Variants in GYS1 observed in about 807,000 individuals in gnomAD.
GYS1 encodes glycogen synthase 1.
A neutral mutation model predicts 89.1 loss-of-function variants in GYS1; 60 were observed. That is an observed-to-expected ratio of 0.67 (90% CI 0.55 to 0.84). The LOEUF (loss-of-function observed/expected upper bound fraction) is 0.84. Among genes scored for constraint, GYS1 ranks in the 40% least tolerant of loss-of-function variants. The pLI is 0.00. For synonymous variants in GYS1, 366 were observed against 401.7 expected (o/e 0.91, Z 1.06); for missense variants, 888 against 1,003.1 (o/e 0.89, Z 1.55).
intron 12 of GYS1, among the ~76,000 whole-genome samples, chr19:48,973,191 A>ACTT (rs1176059285): frequency 6.6e-6 from 1 of 151,846 alleles, no homozygotes; most frequent in African/African-American, 2.4e-5. Context: ...ACCCTCACAT[A>ACTT]CTTCTCCCTC....
In GYS1 at chr19:48,974,693, T is replaced by A; in HGVS notation, c.1349A>T (p.Asp450Val). The A allele has an allele frequency of 6.2e-7, 1 of 1,613,912 alleles. No individual in the cohort carries two copies. The highest frequency in any genetic ancestry group is 8.5e-7 in the Non-Finnish European group (1 of 1,179,944). The change falls in exon 11 of 16, where the codon GAT (aspartate) becomes GTT (valine). Residue 450 changes from aspartate (D) to valine (V), a missense_variant. Coordinates refer to ENST00000323798, the MANE Select transcript of GYS1 (RefSeq NM_002103.5). The stretch of plus-strand genomic sequence containing the variant: ...GGTCAGGATGGGGTCTGAGGAGTCA[T>A]CCAGCATATTGTGGGTGCACACAGG... ...FPPVCTHNML[D>V]DSSDPILTTI...
chr19:48,974,735 T>A lies in GYS1; in HGVS notation c.1309-2A>T. On this transcript the variant is annotated splice_acceptor_variant, in intron 10 of 15. Transcript: ENST00000323798. LOFTEE classifies it high-confidence loss of function. Reference sequence around the variant, plus strand: ...GCACACAGGGGGGAAAGACTGCCGCTGCAGGAGCCACAAGAAGGGTAAGGG... The same window carrying A: ...GCACACAGGGGGGAAAGACTGCCGCAGCAGGAGCCACAAGAAGGGTAAGGG... 6.2e-7 allele frequency: 1 copy of A among 1,600,180 alleles called. No individual in the cohort carries two copies. Among genetic ancestry groups the A allele is most frequent in the Non-Finnish European group, 8.6e-7 (1 of 1,167,708 alleles).
In GYS1 at chr19:48,987,414, G is replaced by T. The variant is rs1472982856; in HGVS notation, c.301-29C>A. The T allele has an allele frequency of 3.3e-6, 5 of 1,527,726 alleles. No homozygotes were observed. The African/African-American group carries it at 6.8e-5, about 21-fold the overall frequency. The allele number at this position is 1,527,726 out of a possible 1,614,324, so 94.6% of individuals were successfully genotyped here. A position where few individuals can be genotyped will look rare whatever the true frequency, so the allele number is the denominator to read the frequency against. On this transcript the variant is annotated intron_variant, in intron 2 of 15. Transcript: ENST00000323798. ...GGATGGGGTTGGGGAGGCACCATAG[G>T]GAGGCTCTGGGCTTCAGCCTCATAT...
Position 48,987,248 on chromosome 19 carries a change from G to A in GYS1, c.438C>T (p.Arg146=), listed in dbSNP as rs1395632551. The change falls in exon 3 of 16, where the codon CGC becomes CGT. Residue 146 remains arginine, a synonymous_variant. Transcript: ENST00000323798. ...TCNIGVPWYD[R]EANDAVLFGF... ...CAAAGAGGACAGCGTCGTTGGCCTC[G>A]CGGTCGTACCACGGCACTCCGATGT... 5.0e-6 allele frequency: 8 copies of A among 1,613,430 alleles called. No individual in the cohort carries two copies. Among genetic ancestry groups the A allele is most frequent in the East Asian group, 4.5e-5 (2 of 44,894 alleles).
At position 48,989,678 on chromosome 19, in the gene GYS1, G is replaced by A. The variant is rs1235941615; in HGVS notation, c.300+1624C>T. ...GGGCTCAAGCTATCCTCTCACCTCG[G>A]CCTCCCAAAGTGCTGGGATTCCAGG... On this transcript the variant is annotated intron_variant, in intron 2 of 15. Transcript: ENST00000323798. 3.9e-5 allele frequency among the ~76,000 whole-genome samples: 6 copies of A among 152,070 alleles called. No individual in the cohort carries two copies. The East Asian group carries it at 1.2e-3, about 30-fold the overall frequency.
chr19:48,970,779 C>T (rs2038552088), intron 13 of GYS1, 70 bp from the exon 14 acceptor site: 4 of 1,509,120 alleles, frequency 2.7e-6, no homozygotes, highest in African/African-American at 1.4e-5. Flanking sequence ...GACTCTGTGG[C>T]ACCAGGACCC....
intron 5 of GYS1, 98 bp from the exon 6 acceptor site, chr19:48,982,935 A>AT (rs2038789467): frequency 3.7e-5 from 35 of 943,422 alleles, no homozygotes; most frequent in Middle Eastern, 4.3e-4. Context: ...GCCTTTTGCA[A>AT]TTTTTTTGTT....
rs1228876682 is a variant in GYS1, at chr19:48,981,330, T to C, written c.1169+200A>G. ...CGAGAGGCTGAGGCAGATGACTTGCTTGAACCCAGGAGGTGGAGGTTGCAG... is the reference window on the plus strand; with the variant it reads ...CGAGAGGCTGAGGCAGATGACTTGCCTGAACCCAGGAGGTGGAGGTTGCAG... On this transcript the variant is annotated intron_variant, in intron 8 of 15. Transcript: ENST00000323798. 1.4e-5 allele frequency: 8 copies of C among 579,282 alleles called. No individual in the cohort carries two copies. The highest frequency in any genetic ancestry group is 3.7e-5 in the African/African-American group (2 of 53,648). 35.9% of individuals were successfully genotyped at this position (579,282 alleles called of 1,614,324 possible).
rs1600149351 is a variant in GYS1, at chr19:48,987,289, G to A, written c.397C>T (p.Leu133Phe). The change falls in exon 3 of 16, where the codon CTC (leucine) becomes TTC (phenylalanine). Residue 133 changes from leucine (L) to phenylalanine (F), a missense_variant. Physicochemically the swap from Leu to Phe is conservative, Grantham distance 22 (BLOSUM62 0). Transcript: ENST00000323798. ...AWALERWKGE[L>F]WDTCNIGVPW... ...ACTCCGATGTTGCAGGTATCCCAGA[G>A]CTCTCCCTTCCAGCGCTCCAGGGCC... 1.2e-6 allele frequency: 2 copies of A among 1,612,702 alleles called. No individual in the cohort carries two copies. The highest frequency in any genetic ancestry group is 2.7e-5 in the African/African-American group (2 of 74,900).
chr19:48,991,485 T>C lies in GYS1; in HGVS notation c.119-2A>G. ...GCAGCACCGTGTAGATGCCACCCAC[T>C]GTGGGCCCAAGCGTGTGAGGGCAGG... On this transcript the variant is annotated splice_acceptor_variant, in intron 1 of 15. Transcript: ENST00000323798. LOFTEE classifies it high-confidence loss of function. This position sits in a 1 kb window ranked among gnomAD's most constrained non-coding sequence, Gnocchi z 4.7. 3 of 1,581,198 alleles carry C rather than the reference T, an allele frequency of 1.9e-6. No individual in the cohort carries two copies. The highest frequency in any genetic ancestry group is 2.6e-6 in the Non-Finnish European group (3 of 1,161,018).
chr19:48,972,126 G>GAAA (rs765971575), intron 12 of GYS1, among the ~76,000 whole-genome samples: 1 of 133,074 alleles, frequency 7.5e-6, no homozygotes, highest in Non-Finnish European at 1.6e-5. Flanking sequence ...GTCAAGAAGA[G>GAAA]AAAAAAAAAA....
intron 12 of GYS1, among the ~76,000 whole-genome samples, chr19:48,973,820 T>C (rs569159969): frequency 2.0e-5 from 3 of 152,248 alleles, no homozygotes; most frequent in Admixed American, 2.0e-4. Flanking sequence ...CCCAGCCTTA[T>C]TTAGCTTTAA....
intron 10 of GYS1, among the ~76,000 whole-genome samples, chr19:48,975,177 T>C (rs1862492): frequency 0.4 from 60,073 of 151,638 alleles, 11,912 homozygotes; most frequent in Middle Eastern, 0.54. Context: ...GTGATCCACC[T>C]GCCTTGGCCT....
rs141349871 is a variant in GYS1 at position 48,972,058 on chromosome 19, C to T, written c.1550-1035G>A. Among the ~76,000 whole-genome samples the T allele has an allele frequency of 6.5e-3, 966 of 149,460 alleles. 7 individuals are homozygous for T. Among genetic ancestry groups the T allele is most frequent in the African/African-American group, 0.023 (931 of 40,614 alleles). ...AAATAAAAAAAAAAAAGGCCGGGCA[C>T]GGTGGCTCATGTCTGTAATCCCAGC... On this transcript the variant is annotated intron_variant, in intron 12 of 15. Coordinates refer to ENST00000323798, the MANE Select transcript of GYS1 (RefSeq NM_002103.5).
rs765735041 is a variant in GYS1, at chr19:48,969,629, G to A, written c.1891-18C>T. 6.4e-7 allele frequency: 1 copy of A among 1,553,420 alleles called. No homozygotes were observed. Among genetic ancestry groups the A allele is most frequent in the Non-Finnish European group, 8.7e-7 (1 of 1,154,976 alleles). On this transcript the variant is annotated intron_variant, in intron 15 of 15. Coordinates refer to ENST00000323798, the MANE Select transcript of GYS1 (RefSeq NM_002103.5). ...CCCTGGGCCTGCATACGGCGATGTG[G>A]GTGCAAACCAGGGTGAGCTGAGGAC...
In GYS1 at chr19:48,985,708, C is replaced by T. The variant is rs2038832141; in HGVS notation, c.679-103G>A. 4.6e-6 allele frequency: 7 copies of T among 1,520,708 alleles called. No individual in the cohort carries two copies. In the East Asian group the frequency reaches 1.1e-4, roughly 25 times the overall value. The allele number at this position is 1,520,708 out of a possible 1,614,324, so 94.2% of individuals were successfully genotyped here. The stretch of plus-strand genomic sequence containing the variant: ...AGAAATTGGTGCTGGGGGCTGGATT[C>T]CTGGGTCTGAGGTAGGAGGGGTCTG... On this transcript the variant is annotated intron_variant, in intron 4 of 15. Transcript: ENST00000323798.
chr19:48,991,426 C>T lies in GYS1; in HGVS notation c.176G>A (p.Gly59Asp), dbSNP rs977801658. Residue 59 changes from glycine (G) to aspartate (D), a missense_variant, in exon 2 of 16, where the codon GGC (glycine) becomes GAC (aspartate). Gly to Asp is a moderately conservative substitution (Grantham distance 94). Transcript: ENST00000323798. The surrounding 1 kb of genome is among the most constrained non-coding windows in gnomAD (Gnocchi z 4.7). ...TKAKVTGDEW[G>D]DNYFLVGPYT... ...CGGCCCCACCAGGAAGTAGTTGTCG[C>T]CCCATTCGTCCCCTGTCACCTTCGC... is the stretch of plus-strand genomic sequence containing the variant. 6.2e-7 allele frequency: 1 copy of T among 1,614,172 alleles called. No homozygotes were observed.
Position 48,991,204 on chromosome 19 carries a change from T to C in GYS1, c.300+98A>G. ...CTGTGTCCAAGCCTGCCTCGCTCTC[T>C]GGCTGGGGCTGTCCACCCTGCACCC... On this transcript the variant is annotated intron_variant, in intron 2 of 15. Coordinates refer to ENST00000323798, the MANE Select transcript of GYS1 (RefSeq NM_002103.5). The surrounding 1 kb of genome is among the most constrained non-coding windows in gnomAD (Gnocchi z 4.7). 2 of 1,318,464 alleles carry C rather than the reference T, an allele frequency of 1.5e-6. No individual in the cohort carries two copies. The highest frequency in any genetic ancestry group is 1.1e-6 in the Non-Finnish European group (1 of 921,586). The allele number at this position is 1,318,464 out of a possible 1,614,324, so 81.7% of individuals were successfully genotyped here. A position where few individuals can be genotyped will look rare whatever the true frequency, so the allele number is the denominator to read the frequency against.
intron 6 of GYS1, among the ~76,000 whole-genome samples, 160 bp downstream of exon 6, chr19:48,982,559 GC>G (rs2038783033): frequency 6.6e-6 from 1 of 152,034 alleles, no homozygotes; most frequent in Non-Finnish European, 1.5e-5. Context: ...TTAATCCTGA[GC>G]CCATTGTTCC....
Sources: allele counts gnomAD v4.1 joint callset (sites outside exome capture counted in the v4.1 genomes callset), GRCh38; gene constraint gnomAD v4.1.1; non-coding constraint Gnocchi (gnomAD v3.1); transcripts MANE v1.5; gene names NCBI Gene and HGNC (gene_info 2026-07-23, HGNC 2026-07-21).